CDH6: variants seen among roughly 807,000 people sequenced by gnomAD.
The protein encoded by CDH6 is cadherin 6.
CDH6 carries 31 observed loss-of-function variants against 78.0 expected under a neutral mutation model. That is an observed-to-expected ratio of 0.40 (90% CI 0.30 to 0.54). The LOEUF (loss-of-function observed/expected upper bound fraction) is 0.54, where lower values mean the gene tolerates loss of function less well. CDH6 is among the 20% of genes least tolerant of loss of function. The probability of loss-of-function intolerance (pLI) is 0.56; values close to 1 mark genes in which losing one functional copy is unlikely to be tolerated. For synonymous variants in CDH6, 376 were observed against 368.8 expected, an observed-to-expected ratio of 1.02 and a Z score of -0.23; for missense variants, 724 against 975.9, an observed-to-expected ratio of 0.74 and a Z score of 3.44.
intron 1 of CDH6, 76 bp downstream of exon 1, chr5:31,193,962 A>G (rs1414169751): frequency 8.0e-6 from 1 of 124,740 alleles, no homozygotes; most frequent in South Asian, 2.9e-4. Context: ...ATAGAAGCCA[A>G]TCAGAGAGAG....
In CDH6 at chr5:31,325,925, A is replaced by G. The variant is rs1738615668; in HGVS notation, c.*2617A>G. 4.3e-6 allele frequency: 1 copy of G among 232,280 alleles called. No homozygotes were observed. Among genetic ancestry groups the G allele is most frequent in the Non-Finnish European group, 8.5e-6 (1 of 117,542 alleles). The allele number at this position is 232,280 out of a possible 1,614,324, so 14.4% of individuals were successfully genotyped here. A position where few individuals can be genotyped will look rare whatever the true frequency, so the allele number is the denominator to read the frequency against. On this transcript the variant is annotated 3_prime_UTR_variant, in exon 12 of 12. Transcript: ENST00000265071. ...TAATTCAGACTCTTTGACATCGTGG[A>G]ACCAATAAGAGTCATAGTTCCATCA...
At chr5:31,309,528 A>C (rs1046063131) in intron 7 of CDH6, among the ~76,000 whole-genome samples, 1 of 152,132 alleles carries the variant, frequency 6.6e-6, no homozygotes, top group Non-Finnish European at 1.5e-5. Context: ...AGTTTTAAAA[A>C]TCCAGCTGAA....
At chr5:31,254,697 A>T (rs955143901) in intron 1 of CDH6, among the ~76,000 whole-genome samples, 2 of 152,264 alleles carry the variant, frequency 1.3e-5, no homozygotes, top group Admixed American at 6.5e-5. Context: ...AATGATATTG[A>T]TAATTAGTGC....
chr5:31,280,123 T>G (rs193253400), intron 2 of CDH6, among the ~76,000 whole-genome samples: 1 of 152,122 alleles, frequency 6.6e-6, no homozygotes, highest in African/African-American at 2.4e-5. Flanking sequence ...AAACCAGCAA[T>G]TAACACCTGA....
intron 1 of CDH6, among the ~76,000 whole-genome samples, chr5:31,235,236 C>CTTTTTTTTTTTTTTTTTTTTTTTT (rs543675071): frequency 3.6e-5 from 4 of 110,644 alleles, no homozygotes; most frequent in Non-Finnish European, 5.3e-5. Flanking sequence ...ATTCCTTTTT[C>CTTTTTTTTTTTTTTTTTTTTTTTT]TTTTTTTTTT....
At chr5:31,211,148 AT>A (rs35490814) in intron 1 of CDH6, among the ~76,000 whole-genome samples, 3,946 of 152,272 alleles carry the variant, frequency 0.026, 97 homozygotes, top group African/African-American at 0.064. Context: ...AAAGGAAAAC[AT>A]TTTTTTCATC....
intron 6 of CDH6, among the ~76,000 whole-genome samples, chr5:31,302,769 GA>G (rs1481620077): frequency 0.2 from 19,281 of 98,120 alleles, 3,660 homozygotes; most frequent in East Asian, 0.25. Flanking sequence ...AAGAAAGAAA[GA>G]AAGAAGAAAG....
At chr5:31,269,922 G>A (rs1742474443) in intron 2 of CDH6, among the ~76,000 whole-genome samples, 1 of 152,146 alleles carries the variant, frequency 6.6e-6, no homozygotes. Flanking sequence ...ATTTGTCAAA[G>A]TTGCCTCATG....
rs140277139 is a variant in CDH6, at chr5:31,261,873, T to G, written c.-128-5473T>G. Among the ~76,000 whole-genome samples the G allele has an allele frequency of 1.9e-3, 288 of 152,284 alleles. 2 individuals carry two copies. The East Asian group carries it at 0.021, about 11-fold the overall frequency. ...AAAACCAGATAATACATTTGAGTCA[T>G]TCAAACTGCTATCAAACATGTCACC... On this transcript the variant is annotated intron_variant, in intron 1 of 11. Coordinates refer to ENST00000265071, the MANE Select transcript of CDH6 (RefSeq NM_004932.4).
At position 31,212,690 on chromosome 5, in the gene CDH6, C is replaced by T. The variant is rs549698291; in HGVS notation, c.-129+18804C>T. On this transcript the variant is annotated intron_variant, in intron 1 of 11. Transcript: ENST00000265071. ...CTGTTTGCCGGCCTGCCCTTGTCCA[C>T]GGGGTAACGACTGGAGAAAAGTGAT... 3.9e-5 allele frequency among the ~76,000 whole-genome samples: 6 copies of T among 152,124 alleles called. No homozygotes were observed. In the South Asian group the frequency reaches 1.0e-3, roughly 26 times the overall value.
At position 31,297,322 on chromosome 5, in the gene CDH6, C is replaced by A. The variant is rs765337202; in HGVS notation, c.557C>A (p.Ala186Glu). The change falls in exon 4 of 12, where the codon GCA becomes GAA. Residue 186 changes from alanine to glutamate, a missense_variant. Coordinates refer to ENST00000265071, the MANE Select transcript of CDH6 (RefSeq NM_004932.4). ...GTTGTCCAAGTCACTGCGACGGATG[C>A]AGATGATCCAACATATGGGAACAGT... ...TFVVQVTATD[A>E]DDPTYGNSAK... is the part of the protein sequence containing the mutation. 6.2e-7 allele frequency: 1 copy of A among 1,609,252 alleles called. No individual in the cohort carries two copies. Among genetic ancestry groups the A allele is most frequent in the East Asian group, 2.2e-5 (1 of 44,832 alleles).
chr5:31,263,227 C>T (rs1014452866), intron 1 of CDH6, among the ~76,000 whole-genome samples: 1 of 150,408 alleles, frequency 6.6e-6, no homozygotes, highest in African/African-American at 2.4e-5. Flanking sequence ...TGAGGGGGCT[C>T]AGCATGCTAA....
chr5:31,233,131 A>G (rs1741358173), intron 1 of CDH6, among the ~76,000 whole-genome samples: 1 of 152,158 alleles, frequency 6.6e-6, no homozygotes. Context: ...ATATATGCAC[A>G]TACGCCTTCA....
At chr5:31,282,502 A>G (rs750951618) in intron 2 of CDH6, among the ~76,000 whole-genome samples, 5 of 151,896 alleles carry the variant, frequency 3.3e-5, no homozygotes, top group Non-Finnish European at 7.4e-5. Flanking sequence ...CCTTGCAATT[A>G]CCTTGGGCTC....
intron 1 of CDH6, among the ~76,000 whole-genome samples, chr5:31,213,887 A>G (rs187843053): frequency 1.4e-4 from 21 of 151,940 alleles, no homozygotes; most frequent in Non-Finnish European, 1.5e-4. Context: ...GCCAATTCTC[A>G]CTGAAAAATG....
At chr5:31,245,855 T>A (rs1038457899) in intron 1 of CDH6, among the ~76,000 whole-genome samples, 1 of 150,814 alleles carries the variant, frequency 6.6e-6, no homozygotes, top group Non-Finnish European at 1.5e-5. Context: ...AGAGCAAGTC[T>A]CCTGACTAAA....
rs563294765 is a variant in CDH6, at chr5:31,314,322, C to A, written c.1390+868C>A. ...CCCTCCCCCCACCCCACAACAGGCC[C>A]CGGTTAAAATAGAATTTCAATGTTT... On this transcript the variant is annotated intron_variant, in intron 8 of 11. Transcript: ENST00000265071. 4.6e-3 allele frequency among the ~76,000 whole-genome samples: 619 copies of A among 133,436 alleles called. 5 individuals carry two copies. Among genetic ancestry groups the A allele is most frequent in the African/African-American group, 0.017 (598 of 35,308 alleles). The allele number at this position is 133,436 out of a possible 152,430, so 87.5% of individuals were successfully genotyped here. A position where few individuals can be genotyped will look rare whatever the true frequency, so the allele number is the denominator to read the frequency against.
At chr5:31,225,757 G>C (rs949899546) in intron 1 of CDH6, among the ~76,000 whole-genome samples, 1 of 152,032 alleles carries the variant, frequency 6.6e-6, no homozygotes, top group African/African-American at 2.4e-5. Flanking sequence ...ATGAGATTTG[G>C]GTGGGGACAC....
chr5:31,235,027 A>G (rs1741413477), intron 1 of CDH6, among the ~76,000 whole-genome samples: 1 of 152,118 alleles, frequency 6.6e-6, no homozygotes, highest in Admixed American at 6.5e-5. Context: ...TACTGTACTC[A>G]ATATCATCAA....
Sources: allele counts gnomAD v4.1 joint callset (sites outside exome capture counted in the v4.1 genomes callset), GRCh38; gene constraint gnomAD v4.1.1; transcripts MANE v1.5; gene names NCBI Gene and HGNC (gene_info 2026-07-23, HGNC 2026-07-21).